The following SYNE2 variants were observed in gnomAD, a reference collection of about 807,000 sequenced individuals.
SYNE2 encodes nesprin-2.
In SYNE2, 431 loss-of-function variants were observed where a neutral mutation model predicts 856.3. The observed-to-expected ratio is 0.50, with a 90% CI of 0.47 to 0.55. SYNE2 has a LOEUF of 0.55. Ranked by LOEUF, SYNE2 falls within the 20% of genes least tolerant of loss-of-function variation. The pLI, the probability that SYNE2 is intolerant of heterozygous loss-of-function variation, is 0.00. For missense variants in SYNE2, 8,129 were observed against 8,023.2 expected (o/e 1.01, Z -0.50); for synonymous variants, 2,923 against 2,872.3 (o/e 1.02, Z -0.56).
intron 2 of SYNE2, 51 bp from the exon 3 acceptor site, chr14:63,940,563 A>C: frequency 1.3e-6 from 2 of 1,535,468 alleles, no homozygotes; most frequent in Non-Finnish European, 1.8e-6. Context: ...TATGTGCAGG[A>C]GGTTTCTGAG....
chr14:63,985,316 C>T lies in SYNE2; in HGVS notation c.2152-1140C>T, dbSNP rs147763143. On this transcript the variant is annotated intron_variant, in intron 18 of 115. Coordinates refer to ENST00000555002, the MANE Select transcript of SYNE2 (RefSeq NM_182914.3). Reference sequence around the variant, plus strand: ...CCGCACTCCAGCCTGGGTGACAGACCGAGGCTCCATCTCAAAAAAAAAAAA... The same window carrying T: ...CCGCACTCCAGCCTGGGTGACAGACTGAGGCTCCATCTCAAAAAAAAAAAA... Among the ~76,000 whole-genome samples the T allele has an allele frequency of 1.2e-3, 145 of 125,058 alleles. 2 individuals carry two copies. In the South Asian group the frequency reaches 0.016, roughly 14 times the overall value. The allele number at this position is 125,058 out of a possible 152,430, so 82.0% of individuals were successfully genotyped here. A position where few individuals can be genotyped will look rare whatever the true frequency, so the allele number is the denominator to read the frequency against.
chr14:64,141,578 T>C, intron 81 of SYNE2, 55 bp downstream of exon 81: 1 of 1,561,570 alleles, frequency 6.4e-7, no homozygotes, highest in Non-Finnish European at 8.8e-7. Flanking sequence ...AGCTCATAAC[T>C]CTTTTAAAAT....
In SYNE2 at chr14:64,129,794, T is replaced by C. The variant is rs759213085; in HGVS notation, c.14032T>C (p.Tyr4678His). 1.9e-6 allele frequency: 3 copies of C among 1,614,122 alleles called. No individual in the cohort carries two copies. In the South Asian group the frequency reaches 3.3e-5, roughly 18 times the overall value. ...VAEQLQKADA[Y>H]TVELENAESR... ...GTCTCTCACTTAGAAAGCAGATGCA[T>C]ATACAGTGGAGCTGGAGAACGCCGA... Residue 4678 changes from tyrosine (Y) to histidine (H), a missense_variant, in exon 75 of 116, where the codon TAT becomes CAT. Physicochemically the swap from Tyr to His is moderately conservative, Grantham distance 83 (BLOSUM62 2). Coordinates refer to ENST00000555002, the MANE Select transcript of SYNE2 (RefSeq NM_182914.3).
chr14:64,125,237 C>A, intron 71 of SYNE2, 27 bp downstream of exon 71: 1 of 1,613,660 alleles, frequency 6.2e-7, no homozygotes, highest in Non-Finnish European at 8.5e-7. Flanking sequence ...ATGTGTTTTC[C>A]TCATTGTAAT....
rs11450102 is a variant in SYNE2, at chr14:63,887,749, C to CTT, written c.-51-21329_-51-21328dup. On this transcript the variant is annotated intron_variant, in intron 1 of 115. Transcript: ENST00000555002. ...CTTTTGTGGACTACTGTGAGTCCTGCTTTTTTTTTTTTTTTTTTTTTGAGA... is the reference window on the plus strand; with the variant it reads ...CTTTTGTGGACTACTGTGAGTCCTGCTTTTTTTTTTTTTTTTTTTTTTTGAGA... 5.8e-3 allele frequency among the ~76,000 whole-genome samples: 627 copies of CTT among 108,266 alleles called. 31 individuals carry two copies. The highest frequency in any genetic ancestry group is 0.017 in the African/African-American group (422 of 24,824). 71.0% of individuals were successfully genotyped at this position (108,266 alleles called of 152,430 possible).
chr14:63,837,146 A>T (rs1357680312), intron 1 of SYNE2, among the ~76,000 whole-genome samples: 1 of 152,242 alleles, frequency 6.6e-6, no homozygotes, highest in East Asian at 1.9e-4. Flanking sequence ...TAACTCTTAT[A>T]TTATGGTCAA....
intron 22 of SYNE2, among the ~76,000 whole-genome samples, chr14:63,994,830 C>T (rs1389618139): frequency 6.6e-6 from 1 of 151,786 alleles, no homozygotes; most frequent in African/African-American, 2.4e-5. Context: ...CCTTTCACAG[C>T]TAAAATACAT....
Position 64,122,278 on chromosome 14 carries a change from T to G in SYNE2, c.13281-8T>G. 6.2e-7 allele frequency: 1 copy of G among 1,614,228 alleles called. No homozygotes were observed. On this transcript the variant is annotated splice_region_variant and splice_polypyrimidine_tract_variant and intron_variant, in intron 69 of 115. Coordinates refer to ENST00000555002, the MANE Select transcript of SYNE2 (RefSeq NM_182914.3). Reference sequence around the variant, plus strand: ...TTATTCTCTTCACCTTTTGTTCTTCTTCAAAAGCAACCAGGCATCCAGCCC... The same window carrying G: ...TTATTCTCTTCACCTTTTGTTCTTCGTCAAAAGCAACCAGGCATCCAGCCC...
At chr14:63,964,144 C>A (rs1566924546) in intron 10 of SYNE2, 144 bp downstream of exon 10, 1 of 617,950 alleles carries the variant, frequency 1.6e-6, no homozygotes, top group African/African-American at 1.8e-5. Flanking sequence ...GACTGTACTT[C>A]CGAAACTTTA....
At chr14:63,930,385 AGTT>A (rs1338544559) in intron 2 of SYNE2, among the ~76,000 whole-genome samples, 1 of 152,072 alleles carries the variant, frequency 6.6e-6, no homozygotes, top group African/African-American at 2.4e-5. Context: ...TCAATAAAAC[AGTT>A]GTTAATTTTT....
At chr14:63,843,214 C>CGT (rs148435919) in intron 1 of SYNE2, among the ~76,000 whole-genome samples, 2,082 of 150,312 alleles carry the variant, frequency 0.014, 41 homozygotes, top group African/African-American at 0.047. Flanking sequence ...TTTTTATGCC[C>CGT]GTGTGTGTGT....
In SYNE2 at chr14:64,101,960, C is replaced by G. The variant is rs200968997; in HGVS notation, c.12410C>G (p.Pro4137Arg). 6.2e-7 allele frequency: 1 copy of G among 1,613,920 alleles called. No homozygotes were observed. The highest frequency in any genetic ancestry group is 1.1e-5 in the South Asian group (1 of 91,074). ...GGAGATGAGAAGGCAGAGCCATCGC[C>G]TCAGTCTTGGTCTTCACTTTGGAAG... ...DNGDEKAEPSPQSWSSLWKHD... is the reference protein window; with the variant it reads ...DNGDEKAEPSRQSWSSLWKHD... The change falls in exon 64 of 116, where the codon CCT becomes CGT. Residue 4137 changes from proline (P) to arginine (R), a missense_variant. Pro to Arg is a moderately radical substitution (Grantham distance 103). Around this residue, in one of 3 missense-constraint regions of SYNE2, gnomAD observed 5,410 missense variants for 5,284.8 expected, o/e 1.02. Transcript: ENST00000555002.
chr14:64,177,322 A>C (rs1371151259), intron 95 of SYNE2, 36 bp from the exon 96 acceptor site: 1 of 1,613,690 alleles, frequency 6.2e-7, no homozygotes, highest in Non-Finnish European at 8.5e-7. Flanking sequence ...TCTAAAGAGC[A>C]AAATACTTAC....
At chr14:63,995,353 G>A (rs1255913) in intron 23 of SYNE2, 151 bp downstream of exon 23, 3 of 597,760 alleles carry the variant, frequency 5.0e-6, no homozygotes, top group South Asian at 1.9e-5. Context: ...CTTCACACTC[G>A]CAGCAGAGCC....
At chr14:64,010,415 T>A (rs2096834781) in intron 32 of SYNE2, among the ~76,000 whole-genome samples, 1 of 152,182 alleles carries the variant, frequency 6.6e-6, no homozygotes, top group African/African-American at 2.4e-5. Flanking sequence ...ACTTTCTGTT[T>A]ACAAGGAACC....
chr14:64,220,716 A>G, intron 111 of SYNE2, 79 bp downstream of exon 111: 13 of 1,517,340 alleles, frequency 8.6e-6, no homozygotes, highest in Admixed American at 1.8e-5. Context: ...TTTTATCATC[A>G]TCAGGCTGCT....
intron 85 of SYNE2, among the ~76,000 whole-genome samples, chr14:64,154,530 C>T (rs946208374): frequency 2.0e-5 from 3 of 151,980 alleles, no homozygotes; most frequent in Non-Finnish European, 4.4e-5. Flanking sequence ...CAGTGGCTCA[C>T]GCCTGTAATC....
chr14:64,143,686 GGT>G, intron 82 of SYNE2, 84 bp from the exon 83 acceptor site: 1 of 1,411,530 alleles, frequency 7.1e-7, no homozygotes, highest in Non-Finnish European at 1.0e-6. Flanking sequence ...ACGGGAGCTT[GGT>G]GCCCCCTCGA....
chr14:63,944,463 G>A (rs2095984819), intron 6 of SYNE2, among the ~76,000 whole-genome samples: 1 of 150,218 alleles, frequency 6.7e-6, no homozygotes, highest in East Asian at 1.9e-4. Context: ...ATTTCCACAG[G>A]TCAAATTCTT....
Sources: gnomAD v4.1 joint callset for allele counts (sites outside exome capture counted in the v4.1 genomes callset) on GRCh38, gnomAD v4.1.1 for gene constraint, gnomAD v4.1.1 regional missense constraint, MANE v1.5 for transcripts, NCBI Gene and HGNC (gene_info 2026-07-23, HGNC 2026-07-21) for gene names.